GMDS: variants seen among roughly 807,000 people sequenced by gnomAD.
The protein encoded by GMDS is GDP-mannose 4,6-dehydratase.
In GMDS, 20 loss-of-function variants were observed where a neutral mutation model predicts 49.9. That is an observed-to-expected ratio of 0.40 (90% confidence interval 0.28 to 0.58). The LOEUF is 0.58. Ranked by LOEUF, GMDS falls within the 20% of genes least tolerant of loss-of-function variation. The probability of loss-of-function intolerance (pLI) is 0.42; values close to 1 mark genes in which losing one functional copy is unlikely to be tolerated. For synonymous variants in GMDS, 177 were observed against 178.6 expected (o/e 0.99, Z 0.07); for missense variants, 362 against 481.4 (o/e 0.75, Z 2.32).
intron 1 of GMDS, among the ~76,000 whole-genome samples, chr6:2,130,597 T>C (rs1225197373): frequency 6.6e-6 from 1 of 152,200 alleles, no homozygotes; most frequent in African/African-American, 2.4e-5. Flanking sequence ...TATTGGGTGA[T>C]GAGTGTAAGG....
chr6:1,984,907 A>G (rs1316955915), intron 4 of GMDS, among the ~76,000 whole-genome samples: 2 of 152,220 alleles, frequency 1.3e-5, no homozygotes, highest in Non-Finnish European at 2.9e-5. Flanking sequence ...CTACTGAAAA[A>G]CAAAGCAGAA....
intron 4 of GMDS, among the ~76,000 whole-genome samples, chr6:2,010,829 T>C (rs1016882992): frequency 6.6e-6 from 1 of 152,144 alleles, no homozygotes; most frequent in African/African-American, 2.4e-5. Context: ...ATAAAATCTA[T>C]GAAAACAATA....
rs139370726 is a variant in GMDS at position 2,205,162 on chromosome 6, A to C, written c.102+40159T>G. On this transcript the variant is annotated intron_variant, in intron 1 of 10. Transcript: ENST00000380815. ...TGGATGTTAATAACACCATTTTACA[A>C]ATGAAAATTTTGAAGATACAGCATA... 6.8e-3 allele frequency among the ~76,000 whole-genome samples: 1,035 copies of C among 152,304 alleles called. 25 individuals carry two copies. The highest frequency in any genetic ancestry group is 0.06 in the South Asian group (290 of 4,822).
intron 2 of GMDS, among the ~76,000 whole-genome samples, chr6:2,123,778 G>A (rs912756672): frequency 5.9e-5 from 9 of 152,264 alleles, no homozygotes; most frequent in Admixed American, 4.6e-4. Flanking sequence ...TTGGATAAGG[G>A]TACAGAAGGT....
intron 7 of GMDS, among the ~76,000 whole-genome samples, chr6:1,797,104 T>A (rs1769768309): frequency 6.6e-6 from 1 of 152,224 alleles, no homozygotes. Context: ...AAGCGAGCAT[T>A]ACTGCCTGAG....
chr6:2,156,437 C>A (rs770950983), intron 1 of GMDS, among the ~76,000 whole-genome samples: 14 of 152,132 alleles, frequency 9.2e-5, no homozygotes, highest in Non-Finnish European at 1.5e-5. Flanking sequence ...GCCCACAGCA[C>A]ATGCTCGACA....
At chr6:1,995,548 T>C (rs1057302480) in intron 4 of GMDS, among the ~76,000 whole-genome samples, 1 of 152,174 alleles carries the variant, frequency 6.6e-6, no homozygotes, top group African/African-American at 2.4e-5. Flanking sequence ...AACATTTCCA[T>C]GGGTACCTGC....
intron 7 of GMDS, among the ~76,000 whole-genome samples, chr6:1,789,683 A>C (rs1032107385): frequency 6.7e-6 from 1 of 148,640 alleles, no homozygotes; most frequent in East Asian, 2.2e-4. Context: ...CTACAGGTGC[A>C]TGCCACCACA....
chr6:1,925,993 G>C (rs1310742242), intron 7 of GMDS, among the ~76,000 whole-genome samples: 1 of 152,136 alleles, frequency 6.6e-6, no homozygotes, highest in Non-Finnish European at 1.5e-5. Context: ...GGCCACAGAC[G>C]GGTGGAACTA....
chr6:2,186,567 A>G (rs1380547617), intron 1 of GMDS, among the ~76,000 whole-genome samples: 1 of 152,226 alleles, frequency 6.6e-6, no homozygotes, highest in Non-Finnish European at 1.5e-5. Flanking sequence ...ATGCTAAAAG[A>G]ACTTCATCTC....
intron 7 of GMDS, among the ~76,000 whole-genome samples, chr6:1,781,552 C>T (rs1769085327): frequency 1.3e-5 from 2 of 152,302 alleles, no homozygotes; most frequent in African/African-American, 2.4e-5. Context: ...AACTCTAGGG[C>T]CTACTCCCCT....
chr6:2,054,182 G>A (rs1185463823), intron 4 of GMDS, among the ~76,000 whole-genome samples: 1 of 152,116 alleles, frequency 6.6e-6, no homozygotes, highest in African/African-American at 2.4e-5. Flanking sequence ...CTTTATAGAT[G>A]TCTTCTTCAC....
At chr6:1,724,638 A>G (rs538956873) in intron 9 of GMDS, among the ~76,000 whole-genome samples, 1 of 152,346 alleles carries the variant, frequency 6.6e-6, no homozygotes, top group Admixed American at 6.5e-5. Flanking sequence ...ACAGAAAAGC[A>G]TTTGCATAAA....
At chr6:1,988,055 T>C (rs934246048) in intron 4 of GMDS, among the ~76,000 whole-genome samples, 2 of 152,190 alleles carry the variant, frequency 1.3e-5, no homozygotes, top group African/African-American at 4.8e-5. Context: ...TACATGCATA[T>C]GCACAGCCCC....
chr6:2,078,454 G>A (rs1376933315), intron 4 of GMDS, among the ~76,000 whole-genome samples: 1 of 151,862 alleles, frequency 6.6e-6, no homozygotes, highest in African/African-American at 2.4e-5. Flanking sequence ...CACAGGTTTT[G>A]GTATGTTGTG....
At chr6:2,094,111 G>A (rs887519856) in intron 4 of GMDS, among the ~76,000 whole-genome samples, 10 of 152,214 alleles carry the variant, frequency 6.6e-5, no homozygotes, top group Non-Finnish European at 1.3e-4. Context: ...GAAGACCAAT[G>A]TCGATAAGAT....
intron 4 of GMDS, among the ~76,000 whole-genome samples, chr6:2,040,436 G>A (rs1369990964): frequency 3.3e-5 from 5 of 152,136 alleles, no homozygotes; most frequent in Admixed American, 6.5e-5. Context: ...TCCAGAACAT[G>A]GGTTAGGAAA....
Position 2,065,552 on chromosome 6 carries a change from A to G in GMDS, c.345+50219T>C, listed in dbSNP as rs531093386. On this transcript the variant is annotated intron_variant, in intron 4 of 10. Coordinates refer to ENST00000380815, the MANE Select transcript of GMDS (RefSeq NM_001500.4). ...ATTTAGAAGAATGTATAACTAGAAT[A>G]AACCAATACAGAGAAGTGCTTAAAG... Among the ~76,000 whole-genome samples, 850 of 151,056 alleles carry G rather than the reference A, an allele frequency of 5.6e-3. 6 individuals are homozygous for G. The highest frequency in any genetic ancestry group is 0.019 in the African/African-American group (795 of 41,274).
chr6:1,713,032 A>C (rs12110888), intron 9 of GMDS, among the ~76,000 whole-genome samples: 2,513 of 152,270 alleles, frequency 0.017, 76 homozygotes, highest in African/African-American at 0.056. Context: ...GTTTCTCCCA[A>C]AGCAACAAAT....
Sources: allele counts gnomAD v4.1 joint callset (sites outside exome capture counted in the v4.1 genomes callset), GRCh38; gene constraint gnomAD v4.1.1; transcripts MANE v1.5; gene names NCBI Gene and HGNC (gene_info 2026-07-23, HGNC 2026-07-21).